GIT2: variants seen among roughly 807,000 people sequenced by gnomAD.
The protein encoded by GIT2 is GIT ArfGAP 2, also known as ARF GTPase-activating protein GIT2.
GIT2 carries 32 observed loss-of-function variants against 100.3 expected under a neutral mutation model. The ratio of observed to expected loss-of-function variants is 0.32; its 90% CI spans 0.24 to 0.43. The LOEUF (loss-of-function observed/expected upper bound fraction) is 0.43. Among genes scored for constraint, GIT2 ranks in the 20% least tolerant of loss-of-function variants. GIT2 has a pLI of 1.00. For synonymous variants in GIT2, 353 were observed against 364.1 expected, an observed-to-expected ratio of 0.97 and a Z score of 0.35; for missense variants, 737 against 975.1, an observed-to-expected ratio of 0.76 and a Z score of 3.25.
At chr12:109,942,196 T>C (rs1458229444) in intron 16 of GIT2, among the ~76,000 whole-genome samples, 1 of 152,186 alleles carries the variant, frequency 6.6e-6, no homozygotes. Context: ...TGTATACATA[T>C]ACACATATAT....
chr12:109,999,787 G>A (rs1889850814), upstream of GIT2: 1 of 1,530,960 alleles, frequency 6.5e-7, no homozygotes, highest in Non-Finnish European at 8.8e-7. This position sits in a 1 kb window ranked among gnomAD's most constrained non-coding sequence, Gnocchi z 4.3. Context: ...AGGGCCAGGT[G>A]AGGGGCGGGG....
chr12:109,976,750 G>A (rs923229228), intron 7 of GIT2, among the ~76,000 whole-genome samples: 8 of 151,676 alleles, frequency 5.3e-5, no homozygotes, highest in Non-Finnish European at 1.2e-4. Context: ...CACCATGCCC[G>A]GTTAATTTTT....
In GIT2 at chr12:109,948,654, G is replaced by C; in HGVS notation, c.1393-1150C>G. 1.4e-6 allele frequency: 2 copies of C among 1,430,448 alleles called. No individual in the cohort carries two copies. Among genetic ancestry groups the C allele is most frequent in the Non-Finnish European group, 1.8e-6 (2 of 1,100,282 alleles). The allele number at this position is 1,430,448 out of a possible 1,614,324, so 88.6% of individuals were successfully genotyped here. A position where few individuals can be genotyped will look rare whatever the true frequency, so the allele number is the denominator to read the frequency against. ...CTCTTTGACAGAGATTGTAAAATCT[G>C]ACCAAATTCCCCACCAGTGCCAAGG... On this transcript the variant is annotated intron_variant, in intron 14 of 19. Coordinates refer to ENST00000355312, the MANE Select transcript of GIT2 (RefSeq NM_057169.5). The surrounding 1 kb of genome is among the most constrained non-coding windows in gnomAD (Gnocchi z 4.3).
intron 5 of GIT2, 47 bp downstream of exon 5, chr12:109,983,561 C>T: frequency 6.3e-7 from 1 of 1,593,630 alleles, no homozygotes; most frequent in Non-Finnish European, 8.6e-7. Context: ...GCTACATGAA[C>T]ACAACTCACT....
intron 4 of GIT2, among the ~76,000 whole-genome samples, chr12:109,985,062 T>C (rs187014239): frequency 2.0e-5 from 3 of 152,312 alleles, no homozygotes; most frequent in Non-Finnish European, 2.9e-5. Context: ...TAACCTAGAA[T>C]TGTCCAAGAT....
intron 4 of GIT2, among the ~76,000 whole-genome samples, chr12:109,987,989 T>A (rs1331249838): frequency 6.6e-6 from 1 of 152,192 alleles, no homozygotes; most frequent in East Asian, 1.9e-4. Flanking sequence ...AAGATCATAC[T>A]TACTGTTCAA....
At chr12:109,981,286 G>A in intron 6 of GIT2, 1 of 400,996 alleles carries the variant, frequency 2.5e-6, no homozygotes, top group Non-Finnish European at 4.5e-6. Context: ...TATTTAATAA[G>A]AAATTCAAAG....
At chr12:109,951,861 G>A (rs1877957529) in intron 13 of GIT2, among the ~76,000 whole-genome samples, 1 of 152,242 alleles carries the variant, frequency 6.6e-6, no homozygotes, top group Admixed American at 6.5e-5. Context: ...GTAAGCCTGT[G>A]AGTGGGTGAG....
Position 109,985,430 on chromosome 12 carries a change from A to AGG in GIT2, c.406-1737_406-1736insCC, listed in dbSNP as rs1566013820. Among the ~76,000 whole-genome samples the AGG allele has an allele frequency of 3.0e-3, 453 of 152,126 alleles. 1 individual carries two copies. The highest frequency in any genetic ancestry group is 0.01 in the African/African-American group (427 of 41,520). Reference sequence around the variant, plus strand: ...CTGGGGATTAAAAAAGGGGGGGGAAAAAAGGCCAGATGTGGTGGCTCACGC... The same window carrying AGG: ...CTGGGGATTAAAAAAGGGGGGGGAAAGGAAAGGCCAGATGTGGTGGCTCACGC... On this transcript the variant is annotated intron_variant, in intron 4 of 19. Transcript: ENST00000355312.
Position 109,981,012 on chromosome 12 carries a change from C to T in GIT2, c.658G>A (p.Val220Met), listed in dbSNP as rs866450668. The T allele has an allele frequency of 5.6e-6, 9 of 1,613,178 alleles. 1 individual carries two copies. The highest frequency in any genetic ancestry group is 2.2e-5 in the East Asian group (1 of 44,880). The change falls in exon 7 of 20, where the codon GTG (valine) becomes ATG (methionine). Residue 220 changes from valine to methionine, a missense_variant. By Grantham distance (21) the Val-to-Met change is conservative. Transcript: ENST00000355312. ...GGHHELAERL[V>M]EIQYELTDRL... ...TCCGTTAGCTCATACTGTATTTCCA[C>T]GAGGCGCTCTGCCAGCTCATGGTGC...
At chr12:109,972,580 C>CTAG (rs1287020395) in intron 7 of GIT2, among the ~76,000 whole-genome samples, 1 of 151,972 alleles carries the variant, frequency 6.6e-6, no homozygotes, top group African/African-American at 2.4e-5. Context: ...AGTGATTCTC[C>CTAG]TGCCTCAGCC....
At position 109,987,241 on chromosome 12, in the gene GIT2, G is replaced by A. The variant is rs536297883; in HGVS notation, c.405+1722C>T. Among the ~76,000 whole-genome samples, 8 of 151,158 alleles carry A rather than the reference G, an allele frequency of 5.3e-5. No homozygotes were observed. The East Asian group carries it at 6.0e-4, about 11-fold the overall frequency. Reference sequence around the variant, plus strand: ...ACTAAAAATACAAAAAAAATTAGCCGGGTGTGGTGGTGGGCACCTGTAGTC... The same window carrying A: ...ACTAAAAATACAAAAAAAATTAGCCAGGTGTGGTGGTGGGCACCTGTAGTC... On this transcript the variant is annotated intron_variant, in intron 4 of 19. Coordinates refer to ENST00000355312, the MANE Select transcript of GIT2 (RefSeq NM_057169.5).
chr12:109,974,488 T>C (rs1029052673), intron 7 of GIT2, among the ~76,000 whole-genome samples: 1 of 152,190 alleles, frequency 6.6e-6, no homozygotes, highest in Admixed American at 6.5e-5. Context: ...ATTGCGCCAC[T>C]GCACTCCAGC....
chr12:109,949,972 C>T (rs1877382417), intron 14 of GIT2, among the ~76,000 whole-genome samples: 4 of 152,190 alleles, frequency 2.6e-5, no homozygotes, highest in South Asian at 2.1e-4. Context: ...TACAGCTGCA[C>T]GGCAGCCCTA....
At chr12:109,938,262 T>C in intron 18 of GIT2, 118 bp downstream of exon 18, 1 of 694,666 alleles carries the variant, frequency 1.4e-6, no homozygotes, top group Non-Finnish European at 2.5e-6. Flanking sequence ...TGTAGACTTG[T>C]TTTCAATGAC....
chr12:109,948,685 G>T lies in GIT2; in HGVS notation c.1393-1181C>A. On this transcript the variant is annotated intron_variant, in intron 14 of 19. Transcript: ENST00000355312. The surrounding 1 kb of genome is among the most constrained non-coding windows in gnomAD (Gnocchi z 4.3). ...ATTCCCCACCAGTGCCAAGGTTTAA[G>T]TCCACAAGCAACTGTTTGCACCAGA... The T allele has an allele frequency of 6.9e-7, 1 of 1,448,710 alleles. No homozygotes were observed. The allele number at this position is 1,448,710 out of a possible 1,614,324, so 89.7% of individuals were successfully genotyped here.
Position 109,959,912 on chromosome 12 carries a change from A to G in GIT2, c.1034T>C (p.Leu345Pro). ...GGCGTCACTGAGAATGTCAATGACC[A>G]GCGTGGCAAACTCATGGGCGTTGAA... ...ARFNAHEFAT[L>P]VIDILSDAKR... Residue 345 changes from leucine (L) to proline (P), a missense_variant, in exon 12 of 20, where the codon CTG (leucine) becomes CCG (proline). By Grantham distance (98) the Leu-to-Pro change is moderately conservative. Coordinates refer to ENST00000355312, the MANE Select transcript of GIT2 (RefSeq NM_057169.5). 2 of 1,614,074 alleles carry G rather than the reference A, an allele frequency of 1.2e-6. No individual in the cohort carries two copies. The highest frequency in any genetic ancestry group is 1.7e-6 in the Non-Finnish European group (2 of 1,179,916).
chr12:109,983,723 C>T (rs75239670), intron 4 of GIT2, 29 bp from the exon 5 acceptor site: 32,370 of 1,497,412 alleles, frequency 0.022, 467 homozygotes, highest in South Asian at 0.048. Context: ...AAAAAGGAAT[C>T]GTGGTTAGAG....
At chr12:109,936,142 T>C (rs1264586266) in intron 18 of GIT2, among the ~76,000 whole-genome samples, 1 of 152,108 alleles carries the variant, frequency 6.6e-6, no homozygotes, top group East Asian at 1.9e-4. Context: ...TAAAAGCATC[T>C]TGAATTTTAA....
Sources: gnomAD v4.1 joint callset for allele counts (sites outside exome capture counted in the v4.1 genomes callset) on GRCh38, gnomAD v4.1.1 for gene constraint, Gnocchi (gnomAD v3.1) non-coding constraint, MANE v1.5 for transcripts, NCBI Gene and HGNC (gene_info 2026-07-23, HGNC 2026-07-21) for gene names.